Variants in WDR11 observed in about 807,000 individuals in gnomAD.
WDR11 encodes the protein WD repeat-containing protein 11.
Under a neutral mutation model 151.2 loss-of-function variants are expected in WDR11, and 83 were observed. The ratio of observed to expected loss-of-function variants is 0.55; its 90% CI spans 0.46 to 0.66. WDR11 has a LOEUF of 0.66. WDR11 is among the 30% of genes least tolerant of loss of function. The pLI is 0.00. For synonymous variants in WDR11, 484 were observed against 533.1 expected, an observed-to-expected ratio of 0.91 and a Z score of 1.27; for missense variants, 1,301 against 1,480.9, an observed-to-expected ratio of 0.88 and a Z score of 1.99.
intron 2 of WDR11, among the ~76,000 whole-genome samples, chr10:120,855,518 A>G (rs1160621894): frequency 6.6e-6 from 1 of 151,888 alleles, no homozygotes; most frequent in Admixed American, 6.5e-5. Flanking sequence ...AGTCCAATTT[A>G]TTATTTTGTA....
Position 120,903,191 on chromosome 10 carries a change from G to GTA in WDR11, c.2890_2891insTA (p.Asp964ValfsTer19). ...TCGAGACAAACTGAGCAACCCACTG[G>GTA]ATATATGCTATGACGTGCTCTGTGA... is the stretch of plus-strand genomic sequence containing the variant. On this transcript the variant is annotated frameshift_variant, in exon 23 of 29. Transcript: ENST00000263461. LOFTEE classifies it high-confidence loss of function. The GTA allele has an allele frequency of 3.1e-6, 5 of 1,614,174 alleles. No homozygotes were observed. Among genetic ancestry groups the GTA allele is most frequent in the Non-Finnish European group, 4.2e-6 (5 of 1,180,032 alleles).
In WDR11 at chr10:120,874,189, T is replaced by G. The variant is rs563367496; in HGVS notation, c.1556+266T>G. Among the ~76,000 whole-genome samples the G allele has an allele frequency of 6.3e-3, 637 of 101,190 alleles. 19 individuals are homozygous for G. The highest frequency in any genetic ancestry group is 0.021 in the African/African-American group (590 of 27,826). 66.4% of individuals were successfully genotyped at this position (101,190 alleles called of 152,430 possible). ...GCGGTTTTTGCAGTTTTTTTTTTTT[T>G]TTTGTTGTTGTTGTTGTTGTTTGTT... On this transcript the variant is annotated intron_variant, in intron 11 of 28. Coordinates refer to ENST00000263461, the MANE Select transcript of WDR11 (RefSeq NM_018117.12).
chr10:120,864,930 A>G, intron 5 of WDR11, 117 bp from the exon 6 acceptor site: 2 of 1,239,874 alleles, frequency 1.6e-6, no homozygotes, highest in South Asian at 2.6e-5. Flanking sequence ...TGGTCACTTC[A>G]GGGAATAGTT....
chr10:120,908,488 C>A, intron 28 of WDR11, 68 bp from the exon 29 acceptor site: 1 of 1,558,888 alleles, frequency 6.4e-7, no homozygotes, highest in Non-Finnish European at 8.8e-7. Context: ...ACCCTTCCTG[C>A]TTCTGGGAGC....
chr10:120,902,110 G>T, intron 21 of WDR11, 147 bp from the exon 22 acceptor site: 1 of 731,458 alleles, frequency 1.4e-6, no homozygotes. Context: ...ATAATTTCAG[G>T]GTCATGGTAA....
At chr10:120,851,831 T>C in intron 1 of WDR11, 1 of 463,794 alleles carries the variant, frequency 2.2e-6, no homozygotes, top group Non-Finnish European at 4.0e-6. Flanking sequence ...TCTCCACCAT[T>C]AATTCCCTGT....
Position 120,903,191 on chromosome 10 carries a change from G to A in WDR11, c.2890G>A (p.Asp964Asn). 1.2e-6 allele frequency: 2 copies of A among 1,614,174 alleles called. No homozygotes were observed. The highest frequency in any genetic ancestry group is 1.7e-6 in the Non-Finnish European group (2 of 1,180,032). ...TCGAGACAAACTGAGCAACCCACTG[G>A]ATATATGCTATGACGTGCTCTGTGA... is the stretch of plus-strand genomic sequence containing the variant. ...APRDKLSNPLDICYDVLCENA... is the reference protein window; with the variant it reads ...APRDKLSNPLNICYDVLCENA... Residue 964 changes from aspartate to asparagine, a missense_variant, in exon 23 of 29, where the codon GAT becomes AAT. Asp to Asn is a conservative substitution (Grantham distance 23). Around this residue, in one of 3 missense-constraint regions of WDR11, gnomAD observed 589 missense variants for 670.6 expected, o/e 0.88. Transcript: ENST00000263461.
At chr10:120,874,675 C>T (rs910542541) in intron 11 of WDR11, among the ~76,000 whole-genome samples, 3 of 151,964 alleles carry the variant, frequency 2.0e-5, no homozygotes, top group Admixed American at 6.6e-5. Flanking sequence ...TTTTTCTGTT[C>T]CTGTGTTAGT....
At chr10:120,865,856 G>A (rs1422517311) in intron 7 of WDR11, 112 bp downstream of exon 7, 1 of 731,372 alleles carries the variant, frequency 1.4e-6, no homozygotes, top group African/African-American at 1.8e-5. Context: ...TTGCTTTGAG[G>A]AAGTTTAAAA....
intron 4 of WDR11, among the ~76,000 whole-genome samples, chr10:120,861,725 G>A (rs1846147059): frequency 6.6e-6 from 1 of 152,150 alleles, no homozygotes; most frequent in Non-Finnish European, 1.5e-5. Flanking sequence ...CTTGCTAAGG[G>A]CTGGGACCCA....
At chr10:120,867,637 C>G (rs1347939772) in intron 9 of WDR11, among the ~76,000 whole-genome samples, 1 of 152,188 alleles carries the variant, frequency 6.6e-6, no homozygotes, top group Admixed American at 6.5e-5. Flanking sequence ...TTTTTCCTAA[C>G]AGTTATCAGC....
At chr10:120,884,009 G>T in intron 14 of WDR11, 121 bp downstream of exon 14, 1 of 779,688 alleles carries the variant, frequency 1.3e-6, no homozygotes, top group Non-Finnish European at 2.2e-6. Flanking sequence ...AAAAATGTGT[G>T]TTCAGAGAAG....
chr10:120,867,071 C>A lies in WDR11; in HGVS notation c.1196C>A (p.Ser399Tyr). ...TAATTATTATGTCTTTGCAGTAGTT[C>A]TGGTGTGTCACCTTTATATTCACCA... ...VCNRNSRNSS[S>Y]GVSPLYSPVS... The change falls in exon 9 of 29, where the codon TCT becomes TAT. Residue 399 changes from serine to tyrosine, a missense_variant. By Grantham distance (144) the Ser-to-Tyr change is moderately radical. Around this residue, in one of 3 missense-constraint regions of WDR11, gnomAD observed 692 missense variants for 762.5 expected, o/e 0.91. Coordinates refer to ENST00000263461, the MANE Select transcript of WDR11 (RefSeq NM_018117.12). 1 of 1,612,632 alleles carries A rather than the reference C, an allele frequency of 6.2e-7. No homozygotes were observed. Among genetic ancestry groups the A allele is most frequent in the Non-Finnish European group, 8.5e-7 (1 of 1,178,858 alleles).
chr10:120,901,662 T>C (rs1564722926), intron 21 of WDR11, among the ~76,000 whole-genome samples: 1 of 152,226 alleles, frequency 6.6e-6, no homozygotes, highest in Non-Finnish European at 1.5e-5. Context: ...CATATAATTA[T>C]AGTATTTAAC....
chr10:120,883,200 T>A (rs995816624), intron 13 of WDR11, among the ~76,000 whole-genome samples: 2 of 152,174 alleles, frequency 1.3e-5, no homozygotes, highest in African/African-American at 4.8e-5. Flanking sequence ...GGGATCTTCC[T>A]ACTCTGTCAC....
intron 9 of WDR11, among the ~76,000 whole-genome samples, chr10:120,869,988 C>T (rs898771419): frequency 1.3e-5 from 2 of 152,028 alleles, no homozygotes; most frequent in Non-Finnish European, 2.9e-5. Flanking sequence ...CAGGGTTTCA[C>T]CATGTTGACC....
chr10:120,886,080 C>T (rs1847205885), intron 15 of WDR11, 142 bp downstream of exon 15: 1 of 1,011,666 alleles, frequency 9.9e-7, no homozygotes. Flanking sequence ...TCAGTACATA[C>T]CCAGATTACT....
intron 28 of WDR11, chr10:120,908,032 TTTTGAGGATC>T: frequency 6.1e-6 from 1 of 165,174 alleles, no homozygotes; most frequent in Non-Finnish European, 1.3e-5. Flanking sequence ...AGTGTATGCA[TTTTGAGGATC>T]AAAGCATCAG....
At chr10:120,906,088 G>T in intron 27 of WDR11, 67 bp downstream of exon 27, 1 of 1,611,704 alleles carries the variant, frequency 6.2e-7, no homozygotes, top group Non-Finnish European at 8.5e-7. Context: ...TTCTCTCGCG[G>T]TTCTAGCAGG....
Sources: allele counts gnomAD v4.1 joint callset (sites outside exome capture counted in the v4.1 genomes callset), GRCh38; gene constraint gnomAD v4.1.1; regional missense constraint gnomAD v4.1.1; transcripts MANE v1.5; gene names NCBI Gene and HGNC (gene_info 2026-07-23, HGNC 2026-07-21).